The following FBXW7 variants were observed in gnomAD, a reference collection of about 807,000 sequenced individuals.
FBXW7 encodes the protein F-box/WD repeat-containing protein 7.
In FBXW7, 11 loss-of-function variants were observed where a neutral mutation model predicts 86.3. The ratio of observed to expected loss-of-function variants is 0.13; its 90% CI spans 0.08 to 0.21. The LOEUF is 0.21. Ranked by LOEUF, FBXW7 falls within the 10% of genes least tolerant of loss-of-function variation. The probability of loss-of-function intolerance (pLI) is 1.00; values close to 1 mark genes in which losing one functional copy is unlikely to be tolerated. For missense variants in FBXW7, 488 were observed against 847.4 expected, an observed-to-expected ratio of 0.58 and a Z score of 5.27; for synonymous variants, 313 against 297.9, an observed-to-expected ratio of 1.05 and a Z score of -0.52.
At position 152,327,247 on chromosome 4, in the gene FBXW7, T is replaced by TA. The variant is rs567975981; in HGVS notation, c.1418+960dup. Among the ~76,000 whole-genome samples the TA allele has an allele frequency of 1.0e-3, 154 of 152,196 alleles. 1 individual carries two copies. Among genetic ancestry groups the TA allele is most frequent in the African/African-American group, 3.7e-3 (152 of 41,548 alleles). The stretch of plus-strand genomic sequence containing the variant: ...ACTCATCCCCCAAATTTTAACAGTA[T>TA]AGCACACTGTTCAAAGTAGAGGTAA... On this transcript the variant is annotated intron_variant, in intron 11 of 13. Transcript: ENST00000281708.
intron 2 of FBXW7, among the ~76,000 whole-genome samples, chr4:152,469,495 A>T (rs890970661): frequency 3.3e-5 from 5 of 152,110 alleles, no homozygotes; most frequent in African/African-American, 1.2e-4. Context: ...TAAACAGGAA[A>T]TGCATAGACC....
At chr4:152,445,227 T>C (rs963602634) in intron 2 of FBXW7, among the ~76,000 whole-genome samples, 6 of 152,180 alleles carry the variant, frequency 3.9e-5, no homozygotes, top group African/African-American at 1.2e-4. Context: ...GAACAAATCA[T>C]TTCTTATTCA....
Position 152,497,343 on chromosome 4 carries a change from C to CACA in FBXW7, c.-120+37597_-120+37598insTGT, listed in dbSNP as rs769791117. Among the ~76,000 whole-genome samples, 23 of 86,916 alleles carry CACA rather than the reference C, an allele frequency of 2.6e-4. No homozygotes were observed. In the East Asian group the frequency reaches 5.5e-3, roughly 21 times the overall value. The allele number at this position is 86,916 out of a possible 152,430, so 57.0% of individuals were successfully genotyped here. A position where few individuals can be genotyped will look rare whatever the true frequency, so the allele number is the denominator to read the frequency against. The stretch of plus-strand genomic sequence containing the variant: ...TCTCAAAAAAAAAAAAAAAAAAAAA[C>CACA]CACACACACACACACACACACACAC... On this transcript the variant is annotated intron_variant, in intron 2 of 13. Transcript: ENST00000281708.
intron 2 of FBXW7, among the ~76,000 whole-genome samples, chr4:152,509,819 T>C (rs985161647): frequency 6.6e-6 from 1 of 152,002 alleles, no homozygotes; most frequent in Admixed American, 6.6e-5. Context: ...TACTGACACA[T>C]ACTCCCTACA....
chr4:152,418,294 CTTAT>C (rs2126905447), intron 2 of FBXW7, among the ~76,000 whole-genome samples: 1 of 152,188 alleles, frequency 6.6e-6, no homozygotes, highest in South Asian at 2.1e-4. Flanking sequence ...CTACGTAGTA[CTTAT>C]TTTTCAGTCT....
chr4:152,347,668 T>C (rs1731403993), intron 5 of FBXW7, among the ~76,000 whole-genome samples: 1 of 152,128 alleles, frequency 6.6e-6, no homozygotes, highest in Admixed American at 6.5e-5. Context: ...AATACATTTA[T>C]TCAAAACAGG....
chr4:152,496,498 C>A (rs1313971862), intron 2 of FBXW7, among the ~76,000 whole-genome samples: 1 of 151,840 alleles, frequency 6.6e-6, no homozygotes, highest in South Asian at 2.1e-4. Context: ...GCCAACATGG[C>A]GAAACCCTGT....
At chr4:152,403,317 A>G (rs1737110076) in intron 4 of FBXW7, among the ~76,000 whole-genome samples, 1 of 151,990 alleles carries the variant, frequency 6.6e-6, no homozygotes, top group African/African-American at 2.4e-5. Context: ...GTCTCTACTA[A>G]AAATACAAAA....
At chr4:152,361,891 G>A (rs1384491304) in intron 4 of FBXW7, among the ~76,000 whole-genome samples, 1 of 150,834 alleles carries the variant, frequency 6.6e-6, no homozygotes, top group African/African-American at 2.4e-5. Context: ...GCTTGAACTC[G>A]GGAGGTGGAG....
intron 4 of FBXW7, among the ~76,000 whole-genome samples, chr4:152,391,881 T>C (rs898743369): frequency 2.0e-5 from 3 of 152,170 alleles, no homozygotes; most frequent in South Asian, 2.1e-4. Flanking sequence ...TTCCACAGAA[T>C]GTTACATCCT....
chr4:152,380,604 C>T (rs1392915446), intron 4 of FBXW7, among the ~76,000 whole-genome samples: 1 of 151,762 alleles, frequency 6.6e-6, no homozygotes, highest in Non-Finnish European at 1.5e-5. Flanking sequence ...TCAGGAAAGC[C>T]TTACAGTTCT....
In FBXW7 at chr4:152,324,719, A is replaced by G. The variant is rs528708206; in HGVS notation, c.1645-325T>C. On this transcript the variant is annotated intron_variant, in intron 12 of 13. Transcript: ENST00000281708. The stretch of plus-strand genomic sequence containing the variant: ...AAATCATCTGGCCCCACCTAGCTAT[A>G]TATCATGGATGACTGAGAGAATTGC... The G allele has an allele frequency of 1.1e-4, 29 of 255,622 alleles. No individual in the cohort carries two copies. In the East Asian group the frequency reaches 2.6e-3, roughly 23 times the overall value. The allele number at this position is 255,622 out of a possible 1,614,324, so 15.8% of individuals were successfully genotyped here.
Position 152,322,348 on chromosome 4 carries a change from T to C in FBXW7, c.*533A>G, listed in dbSNP as rs1728619332. The C allele has an allele frequency of 4.3e-6, 1 of 231,536 alleles. No individual in the cohort carries two copies. Among genetic ancestry groups the C allele is most frequent in the African/African-American group, 2.2e-5 (1 of 45,054 alleles). The allele number at this position is 231,536 out of a possible 1,614,324, so 14.3% of individuals were successfully genotyped here. Reference sequence around the variant, plus strand: ...GCAAAAAAAAAAAAAAAAAAGCTTTTCATGATAACTGTACAAAAACAATTC... The same window carrying C: ...GCAAAAAAAAAAAAAAAAAAGCTTTCCATGATAACTGTACAAAAACAATTC... On this transcript the variant is annotated 3_prime_UTR_variant, in exon 14 of 14. Transcript: ENST00000281708.
chr4:152,343,771 C>G (rs1037237972), intron 6 of FBXW7, among the ~76,000 whole-genome samples: 2 of 152,038 alleles, frequency 1.3e-5, no homozygotes, highest in Non-Finnish European at 2.9e-5. Flanking sequence ...AATCTGACTG[C>G]CATACAAAGT....
intron 2 of FBXW7, among the ~76,000 whole-genome samples, chr4:152,498,310 A>G (rs1294060984): frequency 6.6e-6 from 1 of 152,102 alleles, no homozygotes; most frequent in Non-Finnish European, 1.5e-5. Context: ...AAAAACTCAT[A>G]AAACATTAAG....
At position 152,388,998 on chromosome 4, in the gene FBXW7, A is replaced by C. The variant is rs1193553699; in HGVS notation, c.501+22305T>G. Among the ~76,000 whole-genome samples, 4 of 152,184 alleles carry C rather than the reference A, an allele frequency of 2.6e-5. No homozygotes were observed. In the East Asian group the frequency reaches 7.7e-4, roughly 29 times the overall value. On this transcript the variant is annotated intron_variant, in intron 4 of 13. Transcript: ENST00000281708. ...ACATGAATAAATACTTCTCAAAAGAAGACATACATATTTTTTCATGCCTAC... is the reference window on the plus strand; with the variant it reads ...ACATGAATAAATACTTCTCAAAAGACGACATACATATTTTTTCATGCCTAC...
intron 6 of FBXW7, among the ~76,000 whole-genome samples, chr4:152,342,696 T>C (rs528867116): frequency 6.6e-6 from 1 of 152,318 alleles, no homozygotes; most frequent in Admixed American, 6.5e-5. Context: ...AGTAACTTAT[T>C]ATCTCCCATT....
At chr4:152,353,018 C>T (rs1222402536) in intron 4 of FBXW7, 2 of 1,208,252 alleles carry the variant, frequency 1.7e-6, no homozygotes, top group African/African-American at 3.1e-5. Context: ...CACACGACAG[C>T]CCCCTCTCCC....
intron 4 of FBXW7, among the ~76,000 whole-genome samples, chr4:152,374,019 G>GT (rs1219426876): frequency 6.6e-6 from 1 of 151,988 alleles, no homozygotes; most frequent in Non-Finnish European, 1.5e-5. Flanking sequence ...TATTGATAAA[G>GT]TAAGTAGTGA....
Sources: allele counts gnomAD v4.1 joint callset (sites outside exome capture counted in the v4.1 genomes callset), GRCh38; gene constraint gnomAD v4.1.1; transcripts MANE v1.5; gene names NCBI Gene and HGNC (gene_info 2026-07-23, HGNC 2026-07-21).